The following CA8 variants were observed in gnomAD, a reference collection of about 807,000 sequenced individuals.
CA8 encodes carbonic anhydrase-related protein.
In CA8, 22 loss-of-function variants were observed where a neutral mutation model predicts 41.4. That is an observed-to-expected ratio of 0.53 (90% CI 0.38 to 0.76). CA8 has a LOEUF of 0.76. Ranked by LOEUF, CA8 falls within the 30% of genes least tolerant of loss-of-function variation. The pLI is 0.00. For missense variants in CA8, 270 were observed against 352.8 expected (o/e 0.77, Z 1.88); for synonymous variants, 121 against 130.6 (o/e 0.93, Z 0.50).
intron 2 of CA8, among the ~76,000 whole-genome samples, chr8:60,271,629 A>G (rs886467881): frequency 1.3e-5 from 2 of 152,200 alleles, no homozygotes; most frequent in African/African-American, 4.8e-5. Context: ...TTCTATAATA[A>G]GAAACAGTGA....
chr8:60,252,582 A>C (rs1416302296), intron 3 of CA8, among the ~76,000 whole-genome samples: 1 of 152,178 alleles, frequency 6.6e-6, no homozygotes, highest in Non-Finnish European at 1.5e-5. Flanking sequence ...ATAGCTTCAA[A>C]CATTTTAATC....
At chr8:60,236,180 T>C (rs1231880039) in intron 3 of CA8, among the ~76,000 whole-genome samples, 3 of 152,194 alleles carry the variant, frequency 2.0e-5, no homozygotes, top group South Asian at 2.1e-4. Context: ...GTAGGCCTCA[T>C]ACAATCAGTT....
chr8:60,251,399 T>C (rs1389785314), intron 3 of CA8, among the ~76,000 whole-genome samples: 9 of 152,220 alleles, frequency 5.9e-5, no homozygotes, highest in Non-Finnish European at 1.0e-4. Flanking sequence ...CTTTCAAATA[T>C]AAAATTCCTA....
At chr8:60,195,822 CCTT>C (rs1461826021) in intron 8 of CA8, among the ~76,000 whole-genome samples, 2 of 152,120 alleles carry the variant, frequency 1.3e-5, no homozygotes, top group Non-Finnish European at 2.9e-5. Flanking sequence ...CATATAGACA[CCTT>C]CTTTTTCAAC....
At chr8:60,217,029 G>T (rs778030492) in intron 7 of CA8, among the ~76,000 whole-genome samples, 1 of 151,964 alleles carries the variant, frequency 6.6e-6, no homozygotes, top group African/African-American at 2.4e-5. Flanking sequence ...GATTACAGGC[G>T]CCTGCCACCA....
chr8:60,238,380 C>T (rs184849739), intron 3 of CA8, among the ~76,000 whole-genome samples: 1 of 152,286 alleles, frequency 6.6e-6, no homozygotes, highest in East Asian at 1.9e-4. Flanking sequence ...TCCTTTTCCC[C>T]AGCCCTGGGC....
At chr8:60,232,237 G>A (rs10102080) in intron 4 of CA8, 47 bp downstream of exon 4, 1 of 1,411,144 alleles carries the variant, frequency 7.1e-7, no homozygotes, top group Non-Finnish European at 1.0e-6. Context: ...AAATGATTTA[G>A]AAATTAGCAT....
chr8:60,252,456 C>G (rs1319714245), intron 3 of CA8, among the ~76,000 whole-genome samples: 1 of 152,186 alleles, frequency 6.6e-6, no homozygotes, highest in Non-Finnish European at 1.5e-5. Flanking sequence ...AAAGCAATTC[C>G]AATTAGCAAT....
At chr8:60,232,662 C>G (rs1807696237) in intron 3 of CA8, 1 of 454,414 alleles carries the variant, frequency 2.2e-6, no homozygotes, top group Non-Finnish European at 4.1e-6. Flanking sequence ...CACATTGATT[C>G]AGTTATCTTT....
chr8:60,211,502 C>T (rs1467789505), intron 7 of CA8, among the ~76,000 whole-genome samples: 2 of 152,148 alleles, frequency 1.3e-5, no homozygotes, highest in Non-Finnish European at 2.9e-5. Context: ...ATGAAAGAAT[C>T]CATTTTTTAT....
chr8:60,192,403 A>G (rs1683717777), intron 8 of CA8, among the ~76,000 whole-genome samples: 1 of 152,144 alleles, frequency 6.6e-6, no homozygotes, highest in Non-Finnish European at 1.5e-5. Flanking sequence ...GCATAGTACT[A>G]TAAGTAATAA....
chr8:60,273,034 T>G (rs530351065), intron 2 of CA8, among the ~76,000 whole-genome samples: 1 of 152,348 alleles, frequency 6.6e-6, no homozygotes, highest in South Asian at 2.1e-4. Context: ...AGTAGCTATT[T>G]ACAATCTCTT....
chr8:60,214,353 A>G (rs1313616308), intron 7 of CA8, among the ~76,000 whole-genome samples: 1 of 152,168 alleles, frequency 6.6e-6, no homozygotes, highest in Admixed American at 6.5e-5. Context: ...CTCATGGCCT[A>G]AACACCTCTT....
At chr8:60,230,800 G>A (rs527682950) in intron 4 of CA8, among the ~76,000 whole-genome samples, 1 of 152,314 alleles carries the variant, frequency 6.6e-6, no homozygotes, top group South Asian at 2.1e-4. Flanking sequence ...GTTCTAAGGG[G>A]CTGGGTTTTC....
chr8:60,202,684 T>C (rs1806468967), intron 8 of CA8, among the ~76,000 whole-genome samples: 1 of 152,230 alleles, frequency 6.6e-6, no homozygotes, highest in South Asian at 2.1e-4. Flanking sequence ...GGGGCATCTA[T>C]GGGCTCTGGC....
intron 3 of CA8, among the ~76,000 whole-genome samples, chr8:60,242,403 G>T (rs1484383281): frequency 6.6e-6 from 1 of 152,210 alleles, no homozygotes; most frequent in Non-Finnish European, 1.5e-5. Flanking sequence ...GCAAACAAGT[G>T]ACAGAGACAG....
intron 3 of CA8, among the ~76,000 whole-genome samples, chr8:60,244,911 A>T (rs1808173898): frequency 6.6e-6 from 1 of 152,182 alleles, no homozygotes; most frequent in Non-Finnish European, 1.5e-5. Flanking sequence ...GTGTATAGGG[A>T]TGAGAACGGT....
intron 5 of CA8, among the ~76,000 whole-genome samples, chr8:60,226,335 G>C (rs1807437035): frequency 6.6e-6 from 1 of 152,096 alleles, no homozygotes; most frequent in East Asian, 1.9e-4. Flanking sequence ...CTGCAGCCTT[G>C]GGCCATCCTG....
chr8:60,244,597 A>C (rs1808155915), intron 3 of CA8, among the ~76,000 whole-genome samples: 1 of 152,116 alleles, frequency 6.6e-6, no homozygotes, highest in Non-Finnish European at 1.5e-5. Flanking sequence ...TTTCTCTTTC[A>C]TTTGCCCGCG....
Sources: gnomAD v4.1 joint callset for allele counts (sites outside exome capture counted in the v4.1 genomes callset) on GRCh38, gnomAD v4.1.1 for gene constraint, MANE v1.5 for transcripts, NCBI Gene and HGNC (gene_info 2026-07-23, HGNC 2026-07-21) for gene names.